Variants in ATIC observed in about 807,000 individuals in gnomAD.
ATIC encodes bifunctional purine biosynthesis protein ATIC.
A neutral mutation model predicts 72.5 loss-of-function variants in ATIC; 64 were observed. That is an observed-to-expected ratio of 0.88 (90% CI 0.72 to 1.09). The LOEUF (loss-of-function observed/expected upper bound fraction) is 1.09. ATIC is among the 50% of genes least tolerant of loss of function. The probability of loss-of-function intolerance (pLI) is 0.00; values close to 1 mark genes in which losing one functional copy is unlikely to be tolerated. For missense variants in ATIC, 787 were observed against 732.4 expected (o/e 1.07, Z -0.86); for synonymous variants, 281 against 267.1 (o/e 1.05, Z -0.51).
intron 12 of ATIC, 52 bp from the exon 13 acceptor site, chr2:215,344,727 T>A: frequency 1.3e-6 from 2 of 1,533,404 alleles, no homozygotes; most frequent in Non-Finnish European, 1.8e-6. Flanking sequence ...AAGCTTAAAG[T>A]TAAATGAGTT....
At chr2:215,345,692 G>A (rs2053063660) in intron 13 of ATIC, 1 of 152,344 alleles carries the variant, frequency 6.6e-6, no homozygotes, top group Non-Finnish European at 1.5e-5. Context: ...GCCAGTCTCT[G>A]TAGTAACAAA....
intron 2 of ATIC, among the ~76,000 whole-genome samples, 186 bp from the exon 3 acceptor site, chr2:215,317,971 C>CT (rs2052727382): frequency 6.6e-6 from 1 of 152,058 alleles, no homozygotes; most frequent in African/African-American, 2.4e-5. Flanking sequence ...ATTAAATAAA[C>CT]TTTTTTTCGG....
Position 215,326,880 on chromosome 2 carries a change from A to C in ATIC, c.590A>C (p.Tyr197Ser), listed in dbSNP as rs1281721280. ...EAISDYFRKQ[Y>S]SKGVSQMPLR... ...ATTTCAGATTATTTCAGGAAACAGT[A>C]CAGCAAAGGCGTATCTCAGATGCCC... The change falls in exon 7 of 16, where the codon TAC becomes TCC. Residue 197 changes from tyrosine (Y) to serine (S), a missense_variant. Tyr to Ser is a moderately radical substitution (Grantham distance 144, BLOSUM62 -2). Coordinates refer to ENST00000236959, the MANE Select transcript of ATIC (RefSeq NM_004044.7). 1 of 1,614,162 alleles carries C rather than the reference A, an allele frequency of 6.2e-7. No individual in the cohort carries two copies. The highest frequency in any genetic ancestry group is 2.2e-5 in the East Asian group (1 of 44,874).
intron 6 of ATIC, 95 bp from the exon 7 acceptor site, chr2:215,326,727 G>T: frequency 1.4e-6 from 2 of 1,466,838 alleles, no homozygotes; most frequent in Non-Finnish European, 1.9e-6. Context: ...GCACTGAATA[G>T]TGAGGAGATG....
intron 12 of ATIC, among the ~76,000 whole-genome samples, chr2:215,342,070 C>T (rs1315310231): frequency 6.6e-6 from 1 of 152,122 alleles, no homozygotes; most frequent in Non-Finnish European, 1.5e-5. Context: ...GGGAAACTGC[C>T]CCCATGATCC....
intron 4 of ATIC, 71 bp downstream of exon 4, chr2:215,319,802 C>A: frequency 1.6e-6 from 2 of 1,240,256 alleles, no homozygotes; most frequent in East Asian, 2.3e-5. Context: ...CCTGGTGTCC[C>A]TGTGTTTTCT....
intron 12 of ATIC, among the ~76,000 whole-genome samples, chr2:215,341,650 G>A (rs1019054650): frequency 5.9e-5 from 9 of 152,134 alleles, no homozygotes; most frequent in African/African-American, 2.2e-4. Flanking sequence ...ACAGGTGGAT[G>A]GAATGTTTAT....
In ATIC at chr2:215,346,729, G is replaced by C. The variant is rs1236999972; in HGVS notation, c.1321-30G>C. On this transcript the variant is annotated intron_variant, in intron 13 of 15. Coordinates refer to ENST00000236959, the MANE Select transcript of ATIC (RefSeq NM_004044.7). ...TTGAGAAGAAAGTGTCTTTGGAAGA[G>C]GTGTTCACTTTAATGTCTGTGTTCC... 1.9e-6 allele frequency: 3 copies of C among 1,610,690 alleles called. No individual in the cohort carries two copies. The South Asian group carries it at 3.3e-5, about 18-fold the overall frequency.
chr2:215,312,569 C>G lies in ATIC; in HGVS notation c.91C>G (p.Leu31Val), dbSNP rs1228270863. ...AAACCTGACCGCTCTTGGTTTGAAT[C>G]TGGTCGCTTCCGGAGGGACTGCAAA... is the stretch of plus-strand genomic sequence containing the variant. ...ARNLTALGLN[L>V]VASGGTAKAL... Residue 31 changes from leucine to valine, a missense_variant, in exon 2 of 16, where the codon CTG (leucine) becomes GTG (valine). By Grantham distance (32) the Leu-to-Val change is conservative (BLOSUM62 1). Transcript: ENST00000236959. The G allele has an allele frequency of 2.5e-6, 4 of 1,614,112 alleles. No individual in the cohort carries two copies. The highest frequency in any genetic ancestry group is 3.4e-6 in the Non-Finnish European group (4 of 1,180,044).
the ATIC span, among the ~76,000 whole-genome samples, chr2:215,355,979 C>G: frequency 6.6e-6 from 1 of 152,212 alleles, no homozygotes; most frequent in Non-Finnish European, 1.5e-5. Flanking sequence ...TGAATAGCTT[C>G]TGGCTGAAAG....
intron 10 of ATIC, 58 bp downstream of exon 10, chr2:215,335,062 A>G: frequency 7.9e-7 from 1 of 1,262,294 alleles, no homozygotes; most frequent in Admixed American, 1.8e-5. Context: ...ATTTGTTCAT[A>G]ATGTTAATTG....
In ATIC at chr2:215,323,208, G is replaced by C. The variant is rs562902776; in HGVS notation, c.291-2033G>C. ...GATCCGCCCGCCTCGGCCTCCCAAA[G>C]TGCTAGGATTACAGGCGTGAGCCAC... On this transcript the variant is annotated intron_variant, in intron 4 of 15. Transcript: ENST00000236959. 2.1e-3 allele frequency among the ~76,000 whole-genome samples: 326 copies of C among 152,304 alleles called. 1 individual carries two copies. Among genetic ancestry groups the C allele is most frequent in the African/African-American group, 7.5e-3 (312 of 41,572 alleles).
the ATIC span, chr2:215,364,685 A>G: frequency 1.6e-6 from 1 of 618,026 alleles, no homozygotes; most frequent in Non-Finnish European, 2.9e-6. Flanking sequence ...AGAGTAATAG[A>G]AAGAATGAAT....
chr2:215,312,324 C>A, intron 1 of ATIC, 163 bp downstream of exon 1: 1 of 1,481,510 alleles, frequency 6.7e-7, no homozygotes, highest in Non-Finnish European at 9.2e-7. Context: ...GTGGGGCCCG[C>A]CTTAGAGCAG....
chr2:215,323,690 T>C (rs1304346534), intron 4 of ATIC, among the ~76,000 whole-genome samples: 2 of 152,202 alleles, frequency 1.3e-5, no homozygotes, highest in Non-Finnish European at 1.5e-5. Context: ...TCCTGATGCC[T>C]TTTATTTTCT....
At chr2:215,324,445 T>G (rs2052800813) in intron 4 of ATIC, among the ~76,000 whole-genome samples, 1 of 152,214 alleles carries the variant, frequency 6.6e-6, no homozygotes, top group Admixed American at 6.5e-5. Context: ...AGAGTTTTTG[T>G]GTGAAGATAC....
the ATIC span, among the ~76,000 whole-genome samples, chr2:215,360,219 T>C: frequency 6.6e-6 from 1 of 152,224 alleles, no homozygotes; most frequent in Non-Finnish European, 1.5e-5. Context: ...ATTAGAGGTG[T>C]GAGCCACTGC....
At chr2:215,321,360 C>CTA (rs1489751997) in intron 4 of ATIC, among the ~76,000 whole-genome samples, 4 of 896 alleles carry the variant, frequency 4.5e-3, no homozygotes, top group Non-Finnish European at 7.5e-3. Flanking sequence ...TGGTCATACC[C>CTA]TGTTGTTTAT....
chr2:215,326,988 G>C lies in ATIC; in HGVS notation c.688+10G>C. 1.2e-6 allele frequency: 2 copies of C among 1,614,162 alleles called. No individual in the cohort carries two copies. The highest frequency in any genetic ancestry group is 1.7e-6 in the Non-Finnish European group (2 of 1,180,046). The stretch of plus-strand genomic sequence containing the variant: ...AAGCTTCCCATCACAGGTAAAGCCC[G>C]AGCGTTCTGTGGCATGGTTTGCTGT... On this transcript the variant is annotated intron_variant, in intron 7 of 15. Coordinates refer to ENST00000236959, the MANE Select transcript of ATIC (RefSeq NM_004044.7).
Sources: gnomAD v4.1 joint callset for allele counts (sites outside exome capture counted in the v4.1 genomes callset) on GRCh38, gnomAD v4.1.1 for gene constraint, MANE v1.5 for transcripts, NCBI Gene and HGNC (gene_info 2026-07-23, HGNC 2026-07-21) for gene names.